ARRDC2: variants seen among roughly 807,000 people sequenced by gnomAD.
The protein encoded by ARRDC2 is arrestin domain-containing protein 2.
Under a neutral mutation model 38.9 loss-of-function variants are expected in ARRDC2, and 39 were observed. The ratio of observed to expected loss-of-function variants is 1.00; its 90% CI spans 0.78 to 1.31. The LOEUF (loss-of-function observed/expected upper bound fraction) is 1.31, where lower values mean the gene tolerates loss of function less well. Among genes scored for constraint, ARRDC2 ranks in the 50% most tolerant of loss-of-function variants. The pLI is 0.00. For missense variants in ARRDC2, 553 were observed against 588.4 expected (o/e 0.94, Z 0.62); for synonymous variants, 300 against 261.9 (o/e 1.15, Z -1.41).
rs1482462729 is a variant in ARRDC2 at position 18,008,212 on chromosome 19, C to T, written c.-99C>T. The T allele has an allele frequency of 6.5e-6, 9 of 1,380,046 alleles. No homozygotes were observed. Among genetic ancestry groups the T allele is most frequent in the Non-Finnish European group, 8.5e-6 (9 of 1,060,566 alleles). 85.5% of individuals were successfully genotyped at this position (1,380,046 alleles called of 1,614,324 possible). A position where few individuals can be genotyped will look rare whatever the true frequency, so the allele number is the denominator to read the frequency against. On this transcript the variant is annotated 5_prime_UTR_variant, in exon 1 of 8. Transcript: ENST00000222250. ...GGTGAGCGCGCCTGCGCGTTGACGGCGATTTTGCGTTCTGAGGCTGCAGCG... is the reference window on the plus strand; with the variant it reads ...GGTGAGCGCGCCTGCGCGTTGACGGTGATTTTGCGTTCTGAGGCTGCAGCG...
At chr19:18,003,120 A>G (rs1435637946) in intron 1 of ARRDC2, among the ~76,000 whole-genome samples, 1 of 151,872 alleles carries the variant, frequency 6.6e-6, no homozygotes, top group Non-Finnish European at 1.5e-5. Flanking sequence ...ACAAAAACAA[A>G]TAAACAAAAA....
Position 18,013,117 on chromosome 19 carries a change from A to C in ARRDC2, c.*151A>C. On this transcript the variant is annotated 3_prime_UTR_variant, in exon 8 of 8. Coordinates refer to ENST00000222250, the MANE Select transcript of ARRDC2 (RefSeq NM_015683.2). ...GTGAGGCGGGGGCCTTTCGGATATC[A>C]CATGGGACAGAGGAAGAGCCCGGCT... 6 of 764,242 alleles carry C rather than the reference A, an allele frequency of 7.9e-6. No homozygotes were observed. Among genetic ancestry groups the C allele is most frequent in the Non-Finnish European group, 1.3e-5 (6 of 478,108 alleles). 47.3% of individuals were successfully genotyped at this position (764,242 alleles called of 1,614,324 possible). A position where few individuals can be genotyped will look rare whatever the true frequency, so the allele number is the denominator to read the frequency against.
intron 4 of ARRDC2, 41 bp downstream of exon 4, chr19:18,009,735 T>G (rs1244343590): frequency 1.9e-6 from 3 of 1,612,730 alleles, no homozygotes; most frequent in Admixed American, 1.7e-5. Flanking sequence ...GGGGCTGGTG[T>G]TGGGGTTGCA....
upstream of ARRDC2, chr19:18,008,066 C>G: frequency 1.7e-6 from 2 of 1,143,610 alleles, no homozygotes; most frequent in South Asian, 3.4e-5. Context: ...AGCCACGCCC[C>G]TTGTCGCGCT....
In ARRDC2 at chr19:18,013,405, G is replaced by C. The variant is rs1447457954; in HGVS notation, c.*439G>C. The C allele has an allele frequency of 6.2e-6, 1 of 161,352 alleles. No individual in the cohort carries two copies. Among genetic ancestry groups the C allele is most frequent in the Non-Finnish European group, 1.4e-5 (1 of 73,718 alleles). 10.0% of individuals were successfully genotyped at this position (161,352 alleles called of 1,614,324 possible). On this transcript the variant is annotated 3_prime_UTR_variant, in exon 8 of 8. Transcript: ENST00000222250. Reference sequence around the variant, plus strand: ...AGGGCATTTTAGCTGAGGCTTTGGAGTACGAATAGGAGCTCAGCAGGCAGA... The same window carrying C: ...AGGGCATTTTAGCTGAGGCTTTGGACTACGAATAGGAGCTCAGCAGGCAGA...
intron 7 of ARRDC2, 126 bp from the exon 8 acceptor site, chr19:18,012,787 A>T (rs1355825322): frequency 4.2e-6 from 4 of 962,692 alleles, no homozygotes; most frequent in Non-Finnish European, 6.3e-6. Flanking sequence ...TCTGCCCTAG[A>T]CACCACCTCC....
At chr19:18,003,135 T>G (rs1461472884) in intron 1 of ARRDC2, among the ~76,000 whole-genome samples, 3 of 151,724 alleles carry the variant, frequency 2.0e-5, no homozygotes, top group Non-Finnish European at 2.9e-5. Context: ...CAAAAAACAC[T>G]GGAGAGGCGA....
At position 18,010,606 on chromosome 19, in the gene ARRDC2, T is replaced by C. The variant is rs2146007261; in HGVS notation, c.1047T>C (p.Thr349=). 1 of 1,613,860 alleles carries C rather than the reference T, an allele frequency of 6.2e-7. No homozygotes were observed. Among genetic ancestry groups the C allele is most frequent in the Non-Finnish European group, 8.5e-7 (1 of 1,179,992 alleles). Residue 349 remains threonine (T), a synonymous_variant, in exon 7 of 8, where the codon ACT becomes ACC. Transcript: ENST00000222250. ...AGTACTCGGAGGTGGTAGCCGACAC[T>C]GAGGAGGCAGCCTTGGGGCAGAGCC... ...PPEYSEVVAD[T]EEAALGQSPF... is the part of the protein sequence containing the mutation.
chr19:18,010,625 C>T lies in ARRDC2; in HGVS notation c.1066C>T (p.Gln356Ter). 1 of 1,613,842 alleles carries T rather than the reference C, an allele frequency of 6.2e-7. No homozygotes were observed. The highest frequency in any genetic ancestry group is 8.5e-7 in the Non-Finnish European group (1 of 1,179,976). ...CGACACTGAGGAGGCAGCCTTGGGG[C>T]AGAGCCCCTTCCCGCTTCCGCAGGA... ...VADTEEAALG[Q>*]SPFPLPQDPD... The change falls in exon 7 of 8, where the codon CAG (glutamine) becomes TAG (stop). Residue 356 changes from glutamine (Q) to a stop codon, truncating the protein, a stop_gained. Coordinates refer to ENST00000222250, the MANE Select transcript of ARRDC2 (RefSeq NM_015683.2). LOFTEE classifies it high-confidence loss of function.
chr19:18,009,460 G>A, intron 3 of ARRDC2, 132 bp from the exon 4 acceptor site: 1 of 802,486 alleles, frequency 1.2e-6, no homozygotes, highest in Non-Finnish European at 2.0e-6. Context: ...TTAACGGATA[G>A]TTCCTGGATT....
chr19:18,002,159 CCCCCAACTCGTGTTACCCAGGG>C (rs2033197048), intron 1 of ARRDC2, among the ~76,000 whole-genome samples: 4 of 152,198 alleles, frequency 2.6e-5, no homozygotes, highest in Admixed American at 2.0e-4. Context: ...TCAGAGAAGG[CCCCCAACTCGTGTTACCCAGGG>C]CCCCACCTCA....
At chr19:18,009,467 G>T in intron 3 of ARRDC2, 125 bp from the exon 4 acceptor site, 1 of 846,234 alleles carries the variant, frequency 1.2e-6, no homozygotes, top group Non-Finnish European at 1.9e-6. Context: ...ATAGTTCCTG[G>T]ATTGTTAAAA....
upstream of ARRDC2, among the ~76,000 whole-genome samples, chr19:18,003,764 C>T (rs1041333965): frequency 3.3e-5 from 5 of 151,222 alleles, no homozygotes; most frequent in African/African-American, 4.9e-5. Context: ...CTCAGCCTCC[C>T]GAGCAGCTGG....
At position 18,009,776 on chromosome 19, in the gene ARRDC2, G is replaced by C. The variant is rs768075530; in HGVS notation, c.593-7G>C. On this transcript the variant is annotated splice_polypyrimidine_tract_variant and splice_region_variant and intron_variant, in intron 4 of 7. Coordinates refer to ENST00000222250, the MANE Select transcript of ARRDC2 (RefSeq NM_015683.2). Reference sequence around the variant, plus strand: ...GGAAACTGAGGCCCCACTGCTCCTTGCTGCAGGAGAGGTCATCCCTGTCTT... The same window carrying C: ...GGAAACTGAGGCCCCACTGCTCCTTCCTGCAGGAGAGGTCATCCCTGTCTT... 6.2e-7 allele frequency: 1 copy of C among 1,613,080 alleles called. No homozygotes were observed. The highest frequency in any genetic ancestry group is 1.1e-5 in the South Asian group (1 of 91,074).
At chr19:18,004,462 G>A (rs1229307170), upstream of ARRDC2, among the ~76,000 whole-genome samples, 1 of 149,308 alleles carries the variant, frequency 6.7e-6, no homozygotes, top group Admixed American at 6.7e-5. Flanking sequence ...GGTCAGGCTG[G>A]TCTCGAACTC....
At chr19:18,006,731 T>C (rs1379098554), upstream of ARRDC2, among the ~76,000 whole-genome samples, 1 of 152,168 alleles carries the variant, frequency 6.6e-6, no homozygotes, top group Non-Finnish European at 1.5e-5. Context: ...GTGGAGGTGC[T>C]GTGTGACCTC....
upstream of ARRDC2, among the ~76,000 whole-genome samples, chr19:18,005,580 C>T (rs1599394100): frequency 7.1e-6 from 1 of 139,870 alleles, no homozygotes; most frequent in Non-Finnish European, 1.6e-5. Context: ...GGCAGAGGTG[C>T]CCCCTCACCT....
At chr19:18,012,833 G>A (rs2033440475) in intron 7 of ARRDC2, 80 bp from the exon 8 acceptor site, 1 of 1,458,172 alleles carries the variant, frequency 6.9e-7, no homozygotes, top group Non-Finnish European at 9.5e-7. Context: ...CGGGAGTTGG[G>A]AGATGGCTAG....
intron 3 of ARRDC2, chr19:18,009,349 A>G (rs2033354973): frequency 6.2e-6 from 4 of 641,222 alleles, no homozygotes; most frequent in African/African-American, 1.8e-5. Flanking sequence ...TCTGTGAAAT[A>G]GACCAGAGCT....
Sources: gnomAD v4.1 joint callset for allele counts (sites outside exome capture counted in the v4.1 genomes callset) on GRCh38, gnomAD v4.1.1 for gene constraint, MANE v1.5 for transcripts, NCBI Gene and HGNC (gene_info 2026-07-23, HGNC 2026-07-21) for gene names.